Variants in GCKR observed in about 807,000 individuals in gnomAD.
The protein encoded by GCKR is glucokinase regulatory protein.
A neutral mutation model predicts 82.9 loss-of-function variants in GCKR; 73 were observed. The observed-to-expected ratio is 0.88, with a 90% confidence interval of 0.73 to 1.07. GCKR has a LOEUF of 1.07. Ranked by LOEUF, GCKR falls within the 50% of genes least tolerant of loss-of-function variation. The pLI is 0.00. For synonymous variants in GCKR, 294 were observed against 291.8 expected (o/e 1.01, Z -0.08); for missense variants, 784 against 782.1 (o/e 1.00, Z -0.03).
At chr2:27,505,660 G>A (rs190995808) in intron 9 of GCKR, 58 bp from the exon 10 acceptor site, 1 of 896,956 alleles carries the variant, frequency 1.1e-6, no homozygotes, top group Admixed American at 1.7e-5. Flanking sequence ...TTACTAACAA[G>A]TGGTCTACGG....
rs779768324 is a variant in GCKR at position 27,497,638 on chromosome 2, C to A, written c.285+8C>A. 10 of 1,576,686 alleles carry A rather than the reference C, an allele frequency of 6.3e-6. No individual in the cohort carries two copies. The highest frequency in any genetic ancestry group is 4.5e-5 in the East Asian group (2 of 44,674). ...GTTCAGGAAGTGCTGAAGGTACTAACCTTCCTTCTGTTCCCTGCCTAAACT... is the reference window on the plus strand; with the variant it reads ...GTTCAGGAAGTGCTGAAGGTACTAAACTTCCTTCTGTTCCCTGCCTAAACT... On this transcript the variant is annotated splice_region_variant and intron_variant, in intron 3 of 18. Transcript: ENST00000264717.
chr2:27,520,883 A>C (rs1670135703), intron 17 of GCKR, among the ~76,000 whole-genome samples: 1 of 152,032 alleles, frequency 6.6e-6, no homozygotes, highest in African/African-American at 2.4e-5. Flanking sequence ...TAAAAATAAA[A>C]AAAATAAAAA....
chr2:27,523,490 C>G lies in GCKR; in HGVS notation c.*51C>G, dbSNP rs142161325. On this transcript the variant is annotated 3_prime_UTR_variant, in exon 19 of 19. Coordinates refer to ENST00000264717, the MANE Select transcript of GCKR (RefSeq NM_001486.4). ...GGGCCCAACCCTGCCCACTTCAGCC[C>G]AGCCCGCCCAAGGGGACTTGTGCCA... The G allele has an allele frequency of 1.3e-6, 2 of 1,571,414 alleles. No individual in the cohort carries two copies. Among genetic ancestry groups the G allele is most frequent in the Non-Finnish European group, 1.7e-6 (2 of 1,154,506 alleles).
At position 27,523,490 on chromosome 2, in the gene GCKR, C is replaced by A. The variant is rs142161325; in HGVS notation, c.*51C>A. 1.3e-6 allele frequency: 2 copies of A among 1,571,412 alleles called. No individual in the cohort carries two copies. The highest frequency in any genetic ancestry group is 2.7e-5 in the African/African-American group (2 of 74,506). The stretch of plus-strand genomic sequence containing the variant: ...GGGCCCAACCCTGCCCACTTCAGCC[C>A]AGCCCGCCCAAGGGGACTTGTGCCA... On this transcript the variant is annotated 3_prime_UTR_variant, in exon 19 of 19. Coordinates refer to ENST00000264717, the MANE Select transcript of GCKR (RefSeq NM_001486.4).
At position 27,508,074 on chromosome 2, in the gene GCKR, G is replaced by T; in HGVS notation, c.1338G>T (p.Leu446=). 1 of 1,610,914 alleles carries T rather than the reference G, an allele frequency of 6.2e-7. No homozygotes were observed. The highest frequency in any genetic ancestry group is 8.5e-7 in the Non-Finnish European group (1 of 1,177,144). The change falls in exon 15 of 19, where the codon CTG becomes CTT. Residue 446 remains leucine, a splice_region_variant and synonymous_variant. Transcript: ENST00000264717. ...ACAGCACCGTGGGTCAGACCTTGCTGGTGAGAGTCCAGCCGTGACAAAGGG... is the reference window on the plus strand; with the variant it reads ...ACAGCACCGTGGGTCAGACCTTGCTTGTGAGAGTCCAGCCGTGACAAAGGG... ...LAHSTVGQTL[L]IPLKKLFPSI... is the part of the protein sequence containing the mutation.
intron 17 of GCKR, among the ~76,000 whole-genome samples, chr2:27,519,834 C>T (rs1272431633): frequency 6.6e-6 from 1 of 152,104 alleles, no homozygotes; most frequent in Non-Finnish European, 1.5e-5. Flanking sequence ...GCTTTCCCTT[C>T]AGGATGGTGG....
chr2:27,498,435 C>A, intron 4 of GCKR, 112 bp downstream of exon 4: 1 of 791,470 alleles, frequency 1.3e-6, no homozygotes, highest in Non-Finnish European at 2.2e-6. Flanking sequence ...TAGACCTGGA[C>A]TCCAAGCCTG....
chr2:27,497,376 G>A lies in GCKR; in HGVS notation c.193G>A (p.Gly65Arg), dbSNP rs1331849649. 6.2e-7 allele frequency: 1 copy of A among 1,614,086 alleles called. No homozygotes were observed. The highest frequency in any genetic ancestry group is 2.2e-5 in the East Asian group (1 of 44,886). ...TGATGCTGAGATCTTCCAGGAGGAG[G>A]GGCAAGCCCTGTCCACATACCAGGT... ...QCDAEIFQEE[G>R]QALSTYQRLY... The change falls in exon 2 of 19, where the codon GGG becomes AGG. Residue 65 changes from glycine to arginine, a missense_variant. Transcript: ENST00000264717.
At chr2:27,523,233 C>T in intron 18 of GCKR, 36 bp from the exon 19 acceptor site, 3 of 1,589,910 alleles carry the variant, frequency 1.9e-6, no homozygotes, top group Non-Finnish European at 1.7e-6. Flanking sequence ...GACCTCATTC[C>T]CTCAGGCTTC....
In GCKR at chr2:27,518,813, A is replaced by G; in HGVS notation, c.1448A>G (p.Lys483Arg). 6.2e-7 allele frequency: 1 copy of G among 1,613,690 alleles called. No homozygotes were observed. Among genetic ancestry groups the G allele is most frequent in the Non-Finnish European group, 8.5e-7 (1 of 1,179,584 alleles). The stretch of plus-strand genomic sequence containing the variant: ...AAGTTCCAGCGTGAGCTAAGCACCA[A>G]ATGGGTGCTGAATACAGTGAGTACA... Reference protein sequence around the residue: ...IQKFQRELSTKWVLNTVSTGA... With the variant: ...IQKFQRELSTRWVLNTVSTGA... Residue 483 changes from lysine (K) to arginine (R), a missense_variant, in exon 17 of 19, where the codon AAA (lysine) becomes AGA (arginine). Lys to Arg is a conservative substitution (Grantham distance 26). Transcript: ENST00000264717.
intron 16 of GCKR, among the ~76,000 whole-genome samples, chr2:27,517,235 A>G (rs1670032477): frequency 6.6e-6 from 1 of 152,118 alleles, no homozygotes; most frequent in African/African-American, 2.4e-5. Flanking sequence ...GATGGTCTCA[A>G]TCTCCTGACC....
intron 9 of GCKR, among the ~76,000 whole-genome samples, 197 bp from the exon 10 acceptor site, chr2:27,505,521 G>A (rs1669703997): frequency 6.6e-6 from 1 of 151,972 alleles, no homozygotes; most frequent in Non-Finnish European, 1.5e-5. Flanking sequence ...AAAGTCCTGA[G>A]TATACCTAGG....
At chr2:27,518,425 C>T (rs1161427581) in intron 16 of GCKR, among the ~76,000 whole-genome samples, 5 of 152,188 alleles carry the variant, frequency 3.3e-5, no homozygotes, top group Non-Finnish European at 1.5e-5. Flanking sequence ...AAGTCACCAT[C>T]TCTGCCCTTT....
chr2:27,518,206 TA>T (rs1262786007), intron 16 of GCKR, among the ~76,000 whole-genome samples: 3 of 152,124 alleles, frequency 2.0e-5, no homozygotes, highest in Non-Finnish European at 4.4e-5. Flanking sequence ...CCACCACTCC[TA>T]GCTAATTTTT....
rs1356074451 is a variant in GCKR at position 27,523,435 on chromosome 2, A to G, written c.1874A>G (p.Gln625Arg). 6.2e-7 allele frequency: 1 copy of G among 1,605,852 alleles called. No individual in the cohort carries two copies. Among genetic ancestry groups the G allele is most frequent in the East Asian group, 2.2e-5 (1 of 44,874 alleles). Residue 625 changes from glutamine to arginine, a missense_variant, in exon 19 of 19, where the codon CAG becomes CGG. Gln to Arg is a conservative substitution (Grantham distance 43, BLOSUM62 1). Coordinates refer to ENST00000264717, the MANE Select transcript of GCKR (RefSeq NM_001486.4). Reference sequence around the variant, plus strand: ...CTCGAGATCCTAGAGCCTGACGTTCAGTGAACCCATGTTTCTGGGTGGGTG... The same window carrying G: ...CTCGAGATCCTAGAGCCTGACGTTCGGTGAACCCATGTTTCTGGGTGGGTG... ...DPLEILEPDV[Q>R]
At chr2:27,515,802 C>T (rs1391864319) in intron 16 of GCKR, among the ~76,000 whole-genome samples, 5 of 143,082 alleles carry the variant, frequency 3.5e-5, no homozygotes, top group East Asian at 2.0e-4. Flanking sequence ...CTCACTCTGT[C>T]ACCCACGCTG....
chr2:27,502,988 T>A (rs905703713), intron 8 of GCKR, among the ~76,000 whole-genome samples: 1 of 152,248 alleles, frequency 6.6e-6, no homozygotes, highest in African/African-American at 2.4e-5. Flanking sequence ...CCCAATTAAT[T>A]TACTCAAGGA....
At chr2:27,514,133 G>A (rs576493499) in intron 16 of GCKR, among the ~76,000 whole-genome samples, 1 of 151,800 alleles carries the variant, frequency 6.6e-6, no homozygotes, top group East Asian at 1.9e-4. Flanking sequence ...GTGTGTCTTT[G>A]CCTCTAAGCC....
intron 16 of GCKR, among the ~76,000 whole-genome samples, chr2:27,517,837 C>A (rs1171672726): frequency 6.6e-6 from 1 of 152,166 alleles, no homozygotes; most frequent in Non-Finnish European, 1.5e-5. Context: ...TCTCATTCAT[C>A]CAGGAGATAT....
Sources: allele counts gnomAD v4.1 joint callset (sites outside exome capture counted in the v4.1 genomes callset), GRCh38; gene constraint gnomAD v4.1.1; transcripts MANE v1.5; gene names NCBI Gene and HGNC (gene_info 2026-07-23, HGNC 2026-07-21).